Variants in ARAP1 observed in about 807,000 individuals in gnomAD.
ARAP1 encodes the protein ArfGAP with RhoGAP domain, ankyrin repeat and PH domain 1.
ARAP1 carries 76 observed loss-of-function variants against 172.2 expected under a neutral mutation model. The ratio of observed to expected loss-of-function variants is 0.44; its 90% CI spans 0.37 to 0.53. The LOEUF (loss-of-function observed/expected upper bound fraction) is 0.53, where lower values mean the gene tolerates loss of function less well. ARAP1 is among the 20% of genes least tolerant of loss of function. The probability of loss-of-function intolerance (pLI) is 0.00; values close to 1 mark genes in which losing one functional copy is unlikely to be tolerated. For missense variants in ARAP1, 1,686 were observed against 1,977.5 expected (o/e 0.85, Z 2.80); for synonymous variants, 804 against 803.3 (o/e 1.00, Z -0.01).
Position 72,693,912 on chromosome 11 carries a change from T to C in ARAP1, c.3695-107A>G. ...ACACATCCCCTGTCCACTCCAACCA[T>C]ATGCAAGTGCCACGACACAAAACAC... On this transcript the variant is annotated intron_variant, in intron 27 of 34. Coordinates refer to ENST00000393609, the MANE Select transcript of ARAP1 (RefSeq NM_001040118.3). This position sits in a 1 kb window ranked among gnomAD's most constrained non-coding sequence, Gnocchi z 4.6. The C allele has an allele frequency of 1.1e-6, 1 of 898,604 alleles. No homozygotes were observed. The highest frequency in any genetic ancestry group is 1.7e-6 in the Non-Finnish European group (1 of 599,500). The allele number at this position is 898,604 out of a possible 1,614,324, so 55.7% of individuals were successfully genotyped here.
intron 3 of ARAP1, among the ~76,000 whole-genome samples, chr11:72,718,330 C>T (rs762809937): frequency 7.2e-5 from 11 of 152,022 alleles, no homozygotes; most frequent in Non-Finnish European, 1.5e-4. Flanking sequence ...CAGCCTCTCA[C>T]TGCTTGCACC....
At position 72,698,246 on chromosome 11, in the gene ARAP1, A is replaced by C. The variant is rs541956310; in HGVS notation, c.2542-140T>G. 1.9e-4 allele frequency: 201 copies of C among 1,069,254 alleles called. No individual in the cohort carries two copies. In the African/African-American group the frequency reaches 2.6e-3, roughly 14 times the overall value. The allele number at this position is 1,069,254 out of a possible 1,614,324, so 66.2% of individuals were successfully genotyped here. On this transcript the variant is annotated intron_variant, in intron 18 of 34. Transcript: ENST00000393609. ...TCTTCCCCAAGGCAGAACCAAGCCCAGTGATGGAACTTGGGTACCATGCCC... is the reference window on the plus strand; with the variant it reads ...TCTTCCCCAAGGCAGAACCAAGCCCCGTGATGGAACTTGGGTACCATGCCC...
chr11:72,734,550 T>A (rs1857955124), intron 1 of ARAP1, among the ~76,000 whole-genome samples: 1 of 152,244 alleles, frequency 6.6e-6, no homozygotes, highest in Admixed American at 6.5e-5. Flanking sequence ...CAGTGCTTAC[T>A]GCATGCCAGG....
intron 19 of ARAP1, 41 bp downstream of exon 19, chr11:72,697,870 G>A (rs781149906): frequency 6.6e-6 from 10 of 1,523,904 alleles, no homozygotes; most frequent in Non-Finnish European, 1.8e-6. Context: ...GCCCAGGATA[G>A]GGTGCCCTGG....
chr11:72,751,214 C>T (rs1360291442), intron 1 of ARAP1, among the ~76,000 whole-genome samples: 2 of 152,092 alleles, frequency 1.3e-5, no homozygotes, highest in Non-Finnish European at 2.9e-5. Context: ...CTGACAATCC[C>T]CAGCCAGGAA....
At chr11:72,698,950 G>A in intron 18 of ARAP1, 55 bp downstream of exon 18, 2 of 1,567,222 alleles carry the variant, frequency 1.3e-6, no homozygotes, top group South Asian at 1.1e-5. Context: ...TGGCCAGGAG[G>A]CCCCACCTTC....
At position 72,709,926 on chromosome 11, in the gene ARAP1, G is replaced by C; in HGVS notation, c.1467C>G (p.Asn489Lys). The part of the protein sequence containing the change: ...GITFIDMSVG[N>K]VKEVDRRSFD... Reference sequence around the variant, plus strand: ...AGCTGCGCCGGTCCACTTCCTTCACGTTGCCCACGCTCATGTCGATGAAGG... The same window carrying C: ...AGCTGCGCCGGTCCACTTCCTTCACCTTGCCCACGCTCATGTCGATGAAGG... Residue 489 changes from asparagine (N) to lysine (K), a missense_variant, in exon 11 of 35, where the codon AAC becomes AAG. Coordinates refer to ENST00000393609, the MANE Select transcript of ARAP1 (RefSeq NM_001040118.3). 1 of 1,614,124 alleles carries C rather than the reference G, an allele frequency of 6.2e-7. No homozygotes were observed. The highest frequency in any genetic ancestry group is 8.5e-7 in the Non-Finnish European group (1 of 1,180,016).
intron 13 of ARAP1, 26 bp from the exon 14 acceptor site, chr11:72,704,360 C>G (rs538122842): frequency 2.0e-6 from 3 of 1,527,028 alleles, no homozygotes; most frequent in South Asian, 1.3e-5. Flanking sequence ...GGAGGTCAGA[C>G]GGGCCAGCTG....
intron 5 of ARAP1, chr11:72,712,943 C>G: frequency 1.7e-6 from 1 of 603,516 alleles, no homozygotes; most frequent in South Asian, 2.0e-5. Flanking sequence ...CACATGCCCA[C>G]CCACATACAG....
At position 72,725,308 on chromosome 11, in the gene ARAP1, CTCTCTCTCTCTTTT is replaced by C. The variant is rs978512459; in HGVS notation, c.509+1298_509+1311del. 2.0e-5 allele frequency among the ~76,000 whole-genome samples: 3 copies of C among 151,962 alleles called. No individual in the cohort carries two copies. The highest frequency in any genetic ancestry group is 4.8e-5 in the African/African-American group (2 of 41,376). On this transcript the variant is annotated intron_variant, in intron 3 of 34. Transcript: ENST00000393609. The surrounding 1 kb of genome is among the most constrained non-coding windows in gnomAD (Gnocchi z 4.3). ...TCTCTCTTCTAACCTCTCTCTCTCT[CTCTCTCTCTCTTTT>C]TCTCTCTCTCTCTCCCCCCCACAAG...
intron 3 of ARAP1, among the ~76,000 whole-genome samples, chr11:72,717,009 G>T (rs1022066597): frequency 2.6e-5 from 4 of 152,302 alleles, no homozygotes; most frequent in Non-Finnish European, 5.9e-5. Context: ...TGGGGCAGGG[G>T]CAGCATCTGA....
Position 72,697,351 on chromosome 11 carries a change from G to C in ARAP1, c.2925C>G (p.Tyr975Ter). The change falls in exon 21 of 35, where the codon TAC becomes TAG. Residue 975 changes from tyrosine to a stop codon, truncating the protein, a stop_gained. Coordinates refer to ENST00000393609, the MANE Select transcript of ARAP1 (RefSeq NM_001040118.3). LOFTEE classifies it high-confidence loss of function. ...LGDSDIPVIVYRCVDYITQCG... is the reference protein window; with the variant it reads ...LGDSDIPVIV ...ACTGCGTGATGTAGTCCACACAGCG[G>C]TACACGATCACCGGGATATCCGAGT... The C allele has an allele frequency of 6.3e-7, 1 of 1,599,782 alleles. No individual in the cohort carries two copies. Among genetic ancestry groups the C allele is most frequent in the Non-Finnish European group, 8.5e-7 (1 of 1,173,478 alleles).
chr11:72,747,961 G>C (rs1426474273), intron 1 of ARAP1, among the ~76,000 whole-genome samples: 1 of 152,192 alleles, frequency 6.6e-6, no homozygotes, highest in African/African-American at 2.4e-5. Context: ...TCCTCTGTCT[G>C]CAATGCCTCC....
chr11:72,687,261 T>TG, intron 33 of ARAP1, 178 bp downstream of exon 33: 1 of 779,122 alleles, frequency 1.3e-6, no homozygotes, highest in Middle Eastern at 2.5e-4. Flanking sequence ...GGCTTGGGGC[T>TG]GGACTAACAG....
rs1036908080 is a variant in ARAP1, at chr11:72,705,739, G to A, written c.1809+66C>T. 4.5e-6 allele frequency: 7 copies of A among 1,550,716 alleles called. No individual in the cohort carries two copies. The South Asian group carries it at 7.9e-5, about 17-fold the overall frequency. On this transcript the variant is annotated intron_variant, in intron 13 of 34. Transcript: ENST00000393609. ...GGTCACTGAGATAGGGAGGGGGCTG[G>A]GAGACCCAGACAGCTGTTGAATGGG...
At chr11:72,745,312 CT>C (rs1858326738) in intron 1 of ARAP1, among the ~76,000 whole-genome samples, 2 of 150,552 alleles carry the variant, frequency 1.3e-5, no homozygotes, top group Non-Finnish European at 3.0e-5. Context: ...CCTCAGCCTC[CT>C]GAGTAGCTGG....
In ARAP1 at chr11:72,710,691, C is replaced by A; in HGVS notation, c.1214-104G>T. 1 of 1,214,908 alleles carries A rather than the reference C, an allele frequency of 8.2e-7. No individual in the cohort carries two copies. Among genetic ancestry groups the A allele is most frequent in the South Asian group, 1.5e-5 (1 of 65,096 alleles). 75.3% of individuals were successfully genotyped at this position (1,214,908 alleles called of 1,614,324 possible). A position where few individuals can be genotyped will look rare whatever the true frequency, so the allele number is the denominator to read the frequency against. ...CAACACCTCCTCCAGAAAGCCCACTCAGATGCCCCCATCATTTTGCTTGAC... is the reference window on the plus strand; with the variant it reads ...CAACACCTCCTCCAGAAAGCCCACTAAGATGCCCCCATCATTTTGCTTGAC... On this transcript the variant is annotated intron_variant, in intron 9 of 34. Coordinates refer to ENST00000393609, the MANE Select transcript of ARAP1 (RefSeq NM_001040118.3). The surrounding 1 kb of genome is among the most constrained non-coding windows in gnomAD (Gnocchi z 4.3).
intron 11 of ARAP1, 91 bp from the exon 12 acceptor site, chr11:72,707,465 G>A (rs1315164806): frequency 4.8e-6 from 6 of 1,253,866 alleles, no homozygotes; most frequent in Middle Eastern, 2.6e-4. Context: ...TGGGGGACAA[G>A]GTGTTGGGAG....
rs1417727935 is a variant in ARAP1, at chr11:72,685,342, G to C, written c.*322C>G. On this transcript the variant is annotated 3_prime_UTR_variant, in exon 35 of 35. Transcript: ENST00000393609. ...GCCCCAGGGCCTCACGCCTCTGAAA[G>C]GGTGGTGGTCCTCCCAAGTTCCTGA... 3 of 417,134 alleles carry C rather than the reference G, an allele frequency of 7.2e-6. No homozygotes were observed. Among genetic ancestry groups the C allele is most frequent in the Non-Finnish European group, 1.3e-5 (3 of 228,534 alleles). 25.8% of individuals were successfully genotyped at this position (417,134 alleles called of 1,614,324 possible). A position where few individuals can be genotyped will look rare whatever the true frequency, so the allele number is the denominator to read the frequency against.
Sources: gnomAD v4.1 joint callset for allele counts (sites outside exome capture counted in the v4.1 genomes callset) on GRCh38, gnomAD v4.1.1 for gene constraint, Gnocchi (gnomAD v3.1) non-coding constraint, MANE v1.5 for transcripts, NCBI Gene and HGNC (gene_info 2026-07-23, HGNC 2026-07-21) for gene names.